The following NEGR1 variants were observed in gnomAD, a reference collection of about 807,000 sequenced individuals.
The protein encoded by NEGR1 is neuronal growth regulator 1, also known as IgLON family member 4.
NEGR1 carries 10 observed loss-of-function variants against 40.9 expected under a neutral mutation model. The observed-to-expected ratio is 0.24, with a 90% confidence interval of 0.15 to 0.42. The LOEUF is 0.42. Ranked by LOEUF, NEGR1 falls within the 10% of genes least tolerant of loss-of-function variation. The probability of loss-of-function intolerance (pLI) is 1.00; values close to 1 mark genes in which losing one functional copy is unlikely to be tolerated. For synonymous variants in NEGR1, 185 were observed against 166.8 expected (o/e 1.11, Z -0.84); for missense variants, 352 against 438.9 (o/e 0.80, Z 1.77).
chr1:71,921,579 A>G (rs961162681), intron 2 of NEGR1, among the ~76,000 whole-genome samples: 1 of 151,040 alleles, frequency 6.6e-6, no homozygotes, highest in African/African-American at 2.4e-5. Flanking sequence ...TTTTCTTAAT[A>G]ACATTTTCTT....
In NEGR1 at chr1:71,674,184, A is replaced by G. The variant is rs529682047; in HGVS notation, c.667+23824T>C. ...ATTCTTCCCAGGTTGTTAATAAAAT[A>G]TGTTTATAAACTATCTGGAAGTTTC... On this transcript the variant is annotated intron_variant, in intron 4 of 6. Coordinates refer to ENST00000357731, the MANE Select transcript of NEGR1 (RefSeq NM_173808.3). Among the ~76,000 whole-genome samples, 11 of 152,312 alleles carry G rather than the reference A, an allele frequency of 7.2e-5. No homozygotes were observed. The East Asian group carries it at 1.7e-3, about 24-fold the overall frequency.
chr1:71,768,113 G>T (rs1322982344), intron 3 of NEGR1, among the ~76,000 whole-genome samples: 2 of 152,204 alleles, frequency 1.3e-5, no homozygotes, highest in African/African-American at 4.8e-5. Flanking sequence ...GAAGGCAAAT[G>T]TGGGGTCAGA....
intron 1 of NEGR1, among the ~76,000 whole-genome samples, chr1:71,988,545 C>CAAA (rs1197884975): frequency 0.034 from 1,354 of 39,664 alleles, 131 homozygotes; most frequent in African/African-American, 0.07. Flanking sequence ...GACTCCGTCT[C>CAAA]AAAAAAAAAA....
chr1:72,034,061 C>G (rs938205704), intron 1 of NEGR1, among the ~76,000 whole-genome samples: 11 of 152,202 alleles, frequency 7.2e-5, no homozygotes, highest in African/African-American at 1.4e-4. Flanking sequence ...GAAGGTGAAA[C>G]AGGATCTGAC....
At chr1:72,279,059 C>T (rs2100569506) in intron 1 of NEGR1, among the ~76,000 whole-genome samples, 1 of 152,116 alleles carries the variant, frequency 6.6e-6, no homozygotes, top group South Asian at 2.1e-4. Flanking sequence ...AACATCTTTA[C>T]ACTTCATATA....
intron 3 of NEGR1, among the ~76,000 whole-genome samples, chr1:71,757,482 G>A (rs1437379458): frequency 6.6e-6 from 1 of 152,044 alleles, no homozygotes; most frequent in Non-Finnish European, 1.5e-5. Context: ...AAGTCTCAGA[G>A]AGACTTGGTT....
intron 4 of NEGR1, among the ~76,000 whole-genome samples, chr1:71,695,068 A>G (rs1385755172): frequency 1.3e-5 from 2 of 151,806 alleles, no homozygotes; most frequent in South Asian, 2.1e-4. Context: ...AAATCAGCTC[A>G]GCAAAATCTA....
chr1:71,679,633 C>A (rs990148821), intron 4 of NEGR1, among the ~76,000 whole-genome samples: 2 of 152,002 alleles, frequency 1.3e-5, no homozygotes, highest in Non-Finnish European at 2.9e-5. Context: ...CACATAGAGG[C>A]AATTTGGCAG....
chr1:72,045,984 G>GA (rs770281228), intron 1 of NEGR1, among the ~76,000 whole-genome samples: 25 of 151,542 alleles, frequency 1.6e-4, no homozygotes, highest in Non-Finnish European at 3.2e-4. Context: ...GTTCAAATCT[G>GA]AAAAAAGACC....
intron 4 of NEGR1, among the ~76,000 whole-genome samples, chr1:71,664,837 G>A (rs1652186834): frequency 6.6e-6 from 1 of 151,972 alleles, no homozygotes. Context: ...TCCTACTATT[G>A]CAGCAGAATA....
intron 2 of NEGR1, among the ~76,000 whole-genome samples, chr1:71,880,547 AC>A (rs1304205110): frequency 5.9e-5 from 9 of 152,050 alleles, no homozygotes; most frequent in Admixed American, 5.9e-4. Flanking sequence ...CTTTTTGGAA[AC>A]ATTTATTTTT....
At chr1:71,437,522 TA>T (rs146967577) in intron 6 of NEGR1, among the ~76,000 whole-genome samples, 1,733 of 151,010 alleles carry the variant, frequency 0.011, 40 homozygotes, top group African/African-American at 0.04. Context: ...TTAATGGTGC[TA>T]AAAAAAAAGC....
rs892239150 is a variant in NEGR1, at chr1:72,057,423, G to GT, written c.177-122113dup. ...AAATGCTCCTATCGTCATAGTTGCA[G>GT]TTTTTTTAGGTCATGGTGACAACTA... is the stretch of plus-strand genomic sequence containing the variant. On this transcript the variant is annotated intron_variant, in intron 1 of 6. Coordinates refer to ENST00000357731, the MANE Select transcript of NEGR1 (RefSeq NM_173808.3). 2.6e-5 allele frequency among the ~76,000 whole-genome samples: 4 copies of GT among 151,542 alleles called. No homozygotes were observed. In the East Asian group the frequency reaches 5.9e-4, roughly 22 times the overall value.
chr1:71,775,994 AAAATAAATAAAT>A lies in NEGR1; in HGVS notation c.535+166_535+177del, dbSNP rs34165866. On this transcript the variant is annotated intron_variant, in intron 3 of 6. Coordinates refer to ENST00000357731, the MANE Select transcript of NEGR1 (RefSeq NM_173808.3). Reference sequence around the variant, plus strand: ...GGGGACAGAGTAAGACTCTGTCTCAAAAATAAATAAATAAATAAATAAATAAATAAATAAATA... The same window carrying A: ...GGGGACAGAGTAAGACTCTGTCTCAAAAATAAATAAATAAATAAATAAATA... 5.2e-3 allele frequency among the ~76,000 whole-genome samples: 736 copies of A among 141,824 alleles called. 11 individuals carry two copies. Among genetic ancestry groups the A allele is most frequent in the East Asian group, 0.038 (176 of 4,648 alleles). 93.0% of individuals were successfully genotyped at this position (141,824 alleles called of 152,430 possible). A position where few individuals can be genotyped will look rare whatever the true frequency, so the allele number is the denominator to read the frequency against.
At chr1:71,623,722 T>C (rs1355700872) in intron 4 of NEGR1, among the ~76,000 whole-genome samples, 1 of 151,702 alleles carries the variant, frequency 6.6e-6, no homozygotes, top group Admixed American at 6.6e-5. Flanking sequence ...AATCAGAAGA[T>C]GTGGGAGGAG....
At chr1:71,841,837 G>T (rs1659252377) in intron 2 of NEGR1, among the ~76,000 whole-genome samples, 1 of 152,088 alleles carries the variant, frequency 6.6e-6, no homozygotes, top group South Asian at 2.1e-4. Context: ...CTGGTTTAGT[G>T]CTTTTTATAT....
chr1:71,935,958 C>T (rs1375520558), intron 1 of NEGR1, among the ~76,000 whole-genome samples: 1 of 152,008 alleles, frequency 6.6e-6, no homozygotes, highest in African/African-American at 2.4e-5. Flanking sequence ...GCCACTGTGC[C>T]CAGCTAATTT....
intron 2 of NEGR1, among the ~76,000 whole-genome samples, chr1:71,807,443 G>C (rs1326162116): frequency 6.6e-6 from 1 of 152,088 alleles, no homozygotes; most frequent in Non-Finnish European, 1.5e-5. Context: ...CTGATCAAAA[G>C]TGTATACAGA....
chr1:72,044,080 C>A (rs1646979910), intron 1 of NEGR1, among the ~76,000 whole-genome samples: 1 of 151,728 alleles, frequency 6.6e-6, no homozygotes, highest in Non-Finnish European at 1.5e-5. Context: ...AATCTGTATG[C>A]AGATGCTGTT....
Sources: allele counts gnomAD v4.1 joint callset (sites outside exome capture counted in the v4.1 genomes callset), GRCh38; gene constraint gnomAD v4.1.1; transcripts MANE v1.5; gene names NCBI Gene and HGNC (gene_info 2026-07-23, HGNC 2026-07-21).